LRP6: variants seen among roughly 807,000 people sequenced by gnomAD.
LRP6 encodes the protein low-density lipoprotein receptor-related protein 6.
Under a neutral mutation model 184.1 loss-of-function variants are expected in LRP6, and 43 were observed. The observed-to-expected ratio is 0.23, with a 90% CI of 0.18 to 0.30. The LOEUF is 0.30. Among genes scored for constraint, LRP6 ranks in the 10% least tolerant of loss-of-function variants. The pLI, the probability that LRP6 is intolerant of heterozygous loss-of-function variation, is 1.00. For missense variants in LRP6, 1,571 were observed against 2,005.3 expected, an observed-to-expected ratio of 0.78 and a Z score of 4.14; for synonymous variants, 719 against 684.9, an observed-to-expected ratio of 1.05 and a Z score of -0.78.
chr12:12,155,455 C>A, intron 12 of LRP6: 1 of 956,626 alleles, frequency 1.0e-6, no homozygotes, highest in Non-Finnish European at 1.7e-6. Flanking sequence ...GAAGGGTCTA[C>A]AATGTTACCC....
chr12:12,132,518 G>A (rs977321856), intron 17 of LRP6, among the ~76,000 whole-genome samples: 5 of 152,112 alleles, frequency 3.3e-5, no homozygotes, highest in African/African-American at 1.2e-4. Flanking sequence ...ACATTAAGAT[G>A]TCATTGCTTT....
At chr12:12,134,507 A>G (rs1368737573) in intron 17 of LRP6, among the ~76,000 whole-genome samples, 1 of 152,172 alleles carries the variant, frequency 6.6e-6, no homozygotes, top group Non-Finnish European at 1.5e-5. Flanking sequence ...TATTTGTTAA[A>G]CCTGCTAAGT....
rs1949517692 is a variant in LRP6 at position 12,116,152 on chromosome 12, T to C, written c.*4974A>G. 1 of 152,222 alleles carries C rather than the reference T, an allele frequency of 6.6e-6. No homozygotes were observed. Among genetic ancestry groups the C allele is most frequent in the African/African-American group, 2.4e-5 (1 of 41,460 alleles). 9.4% of individuals were successfully genotyped at this position (152,222 alleles called of 1,614,324 possible). A position where few individuals can be genotyped will look rare whatever the true frequency, so the allele number is the denominator to read the frequency against. On this transcript the variant is annotated 3_prime_UTR_variant, in exon 23 of 23. Coordinates refer to ENST00000261349, the MANE Select transcript of LRP6 (RefSeq NM_002336.3). ...ATACAGTTTATAATTAAAGCACTTA[T>C]TTTACAAAAGGAGGGAAGTGAATAA...
chr12:12,136,296 G>A (rs939750549), intron 16 of LRP6, among the ~76,000 whole-genome samples: 9 of 152,044 alleles, frequency 5.9e-5, no homozygotes, highest in Non-Finnish European at 1.0e-4. Flanking sequence ...CAGAAAATCC[G>A]TATATCTGAA....
intron 10 of LRP6, among the ~76,000 whole-genome samples, chr12:12,161,638 ATT>A: frequency 6.6e-6 from 1 of 152,188 alleles, no homozygotes; most frequent in East Asian, 1.9e-4. Context: ...GCTTTAAAAA[ATT>A]TGCTGACTCT....
At chr12:12,250,641 G>C (rs1305836659) in intron 1 of LRP6, among the ~76,000 whole-genome samples, 1 of 152,028 alleles carries the variant, frequency 6.6e-6, no homozygotes, top group African/African-American at 2.4e-5. Flanking sequence ...GTTTTGTTTT[G>C]AGACAAAGTC....
intron 7 of LRP6, among the ~76,000 whole-genome samples, chr12:12,168,880 A>G (rs978262065): frequency 2.4e-4 from 37 of 151,968 alleles, no homozygotes; most frequent in Admixed American, 6.6e-4. Flanking sequence ...ATAGCATATC[A>G]CCTCTACTTG....
intron 3 of LRP6, among the ~76,000 whole-genome samples, chr12:12,195,214 C>T (rs1248779555): frequency 6.6e-6 from 1 of 152,074 alleles, no homozygotes; most frequent in Non-Finnish European, 1.5e-5. Flanking sequence ...GGGTAAATGC[C>T]AAGTAGTGGG....
At position 12,116,137 on chromosome 12, in the gene LRP6, T is replaced by C. The variant is rs1031396729; in HGVS notation, c.*4989A>G. ...ATACAAGGTATTTTTATACAGTTTA[T>C]AATTAAAGCACTTATTTTACAAAAG... On this transcript the variant is annotated 3_prime_UTR_variant, in exon 23 of 23. Transcript: ENST00000261349. 1 of 152,208 alleles carries C rather than the reference T, an allele frequency of 6.6e-6. No homozygotes were observed. The highest frequency in any genetic ancestry group is 1.5e-5 in the Non-Finnish European group (1 of 68,034). The allele number at this position is 152,208 out of a possible 1,614,324, so 9.4% of individuals were successfully genotyped here.
chr12:12,129,786 GTGATCTGCCCACATTGGCCTCCCAA>G (rs1949721689), intron 19 of LRP6, among the ~76,000 whole-genome samples: 1 of 151,902 alleles, frequency 6.6e-6, no homozygotes, highest in South Asian at 2.1e-4. Context: ...TCCTGACCTC[GTGATCTGCCCACATTGGCCTCCCAA>G]AGTGCTGGGA....
chr12:12,231,328 A>T (rs1864783064), intron 2 of LRP6, among the ~76,000 whole-genome samples: 1 of 152,136 alleles, frequency 6.6e-6, no homozygotes, highest in East Asian at 1.9e-4. Flanking sequence ...CAGTGTTAGA[A>T]GTAAGATTCC....
At chr12:12,263,211 G>A (rs530409200) in intron 1 of LRP6, among the ~76,000 whole-genome samples, 1 of 149,600 alleles carries the variant, frequency 6.7e-6, no homozygotes, top group Non-Finnish European at 1.5e-5. Context: ...GTTGCAGTGA[G>A]CCGAGATCAT....
intron 2 of LRP6, among the ~76,000 whole-genome samples, chr12:12,236,632 C>A (rs577984487): frequency 6.6e-6 from 1 of 152,196 alleles, no homozygotes; most frequent in Non-Finnish European, 1.5e-5. Context: ...TGCAGGCACC[C>A]GTGCTTCTGA....
At chr12:12,183,363 A>G (rs769458846) in intron 5 of LRP6, among the ~76,000 whole-genome samples, 6 of 152,192 alleles carry the variant, frequency 3.9e-5, no homozygotes, top group Non-Finnish European at 7.4e-5. Context: ...GTTCTTCCAA[A>G]CTGGAAGTCC....
At chr12:12,194,554 C>G (rs1458352191) in intron 3 of LRP6, among the ~76,000 whole-genome samples, 1 of 152,016 alleles carries the variant, frequency 6.6e-6, no homozygotes, top group African/African-American at 2.4e-5. Flanking sequence ...TAGTCTTAAG[C>G]CCCATTTTCA....
At chr12:12,177,741 G>T (rs1863231667) in intron 7 of LRP6, among the ~76,000 whole-genome samples, 1 of 152,076 alleles carries the variant, frequency 6.6e-6, no homozygotes, top group Non-Finnish European at 1.5e-5. Flanking sequence ...CATGTATACA[G>T]AAGTAAATTT....
intron 15 of LRP6, among the ~76,000 whole-genome samples, chr12:12,143,069 C>G (rs1251848231): frequency 6.6e-6 from 1 of 152,042 alleles, no homozygotes; most frequent in Non-Finnish European, 1.5e-5. Context: ...TCCTGTGGTA[C>G]AAGCTAATAT....
chr12:12,121,051 C>A lies in LRP6; in HGVS notation c.*75G>T. ...CCTCATCCTTCTCTAATAGCTCCCT[C>A]CCCCCCTCCAGATCTCAACCAAATT... On this transcript the variant is annotated 3_prime_UTR_variant, in exon 23 of 23. Transcript: ENST00000261349. The A allele has an allele frequency of 2.2e-6, 3 of 1,336,276 alleles. No individual in the cohort carries two copies. Among genetic ancestry groups the A allele is most frequent in the African/African-American group, 1.5e-5 (1 of 67,302 alleles). The allele number at this position is 1,336,276 out of a possible 1,614,324, so 82.8% of individuals were successfully genotyped here. A position where few individuals can be genotyped will look rare whatever the true frequency, so the allele number is the denominator to read the frequency against.
chr12:12,149,814 C>A (rs569445505), intron 13 of LRP6, among the ~76,000 whole-genome samples: 5 of 152,180 alleles, frequency 3.3e-5, no homozygotes, highest in African/African-American at 7.2e-5. Flanking sequence ...TAAAGTCAAG[C>A]AAAAAGAGAG....
Sources: allele counts gnomAD v4.1 joint callset (sites outside exome capture counted in the v4.1 genomes callset), GRCh38; gene constraint gnomAD v4.1.1; transcripts MANE v1.5; gene names NCBI Gene and HGNC (gene_info 2026-07-23, HGNC 2026-07-21).